PRICKLE2: variants seen among roughly 807,000 people sequenced by gnomAD.
PRICKLE2 encodes the protein prickle-like protein 2.
A neutral mutation model predicts 81.4 loss-of-function variants in PRICKLE2; 21 were observed. The ratio of observed to expected loss-of-function variants is 0.26; its 90% CI spans 0.18 to 0.37. PRICKLE2 has a LOEUF of 0.37. Among genes scored for constraint, PRICKLE2 ranks in the 10% least tolerant of loss-of-function variants. PRICKLE2 has a pLI of 1.00. For synonymous variants in PRICKLE2, 456 were observed against 421.5 expected (o/e 1.08, Z -1.00); for missense variants, 940 against 1,109.0 (o/e 0.85, Z 2.16).
At chr3:64,109,807 C>T (rs1006674827) in intron 7 of PRICKLE2, among the ~76,000 whole-genome samples, 2 of 152,180 alleles carry the variant, frequency 1.3e-5, no homozygotes, top group African/African-American at 4.8e-5. Context: ...AGGGACTTGC[C>T]TTTGAACTGG....
chr3:64,149,660 C>T (rs2077512434), intron 6 of PRICKLE2, among the ~76,000 whole-genome samples: 1 of 152,194 alleles, frequency 6.6e-6, no homozygotes, highest in Non-Finnish European at 1.5e-5. Flanking sequence ...CTTCTGGAGA[C>T]TTGTCTAAAG....
At chr3:64,132,837 G>T (rs2077216975) in intron 7 of PRICKLE2, among the ~76,000 whole-genome samples, 2 of 152,180 alleles carry the variant, frequency 1.3e-5, no homozygotes, top group East Asian at 1.9e-4. Flanking sequence ...GATGCCGTGT[G>T]GGAGGATGTG....
At chr3:64,170,620 G>A (rs2077912245) in intron 2 of PRICKLE2, among the ~76,000 whole-genome samples, 1 of 151,818 alleles carries the variant, frequency 6.6e-6, no homozygotes, top group Non-Finnish European at 1.5e-5. Context: ...AGCACTTTGG[G>A]AGGCTAAGGG....
intron 5 of PRICKLE2, among the ~76,000 whole-genome samples, chr3:64,155,440 GAA>G (rs2077618835): frequency 6.6e-6 from 1 of 151,638 alleles, no homozygotes; most frequent in Non-Finnish European, 1.5e-5. Flanking sequence ...TTGATAGCAG[GAA>G]TGTAAAATGT....
Position 64,118,208 on chromosome 3 carries a change from A to G in PRICKLE2, c.1661-18283T>C, listed in dbSNP as rs1575557289. On this transcript the variant is annotated intron_variant, in intron 7 of 7. Coordinates refer to ENST00000638394, the MANE Select transcript of PRICKLE2 (RefSeq NM_198859.4). ...ACAAAAATTAACTCAAGATGGATTA[A>G]AGACTTAACTGTAAAAACCTAAACT... Among the ~76,000 whole-genome samples the G allele has an allele frequency of 2.0e-5, 3 of 152,344 alleles. No individual in the cohort carries two copies. In the East Asian group the frequency reaches 5.8e-4, roughly 29 times the overall value.
At position 64,095,236 on chromosome 3, in the gene PRICKLE2, C is replaced by T. The variant is rs183313301; in HGVS notation, c.*3815G>A. On this transcript the variant is annotated 3_prime_UTR_variant, in exon 8 of 8. Coordinates refer to ENST00000638394, the MANE Select transcript of PRICKLE2 (RefSeq NM_198859.4). ...CTTTAGCCTAAGAAGTCAGCTTCCT[C>T]GAGCCTCCACAACCTGGGATGGGGG... 2.5e-4 allele frequency: 38 copies of T among 152,162 alleles called. No individual in the cohort carries two copies. The highest frequency in any genetic ancestry group is 1.2e-4 in the African/African-American group (5 of 41,506). The allele number at this position is 152,162 out of a possible 1,614,324, so 9.4% of individuals were successfully genotyped here. A position where few individuals can be genotyped will look rare whatever the true frequency, so the allele number is the denominator to read the frequency against.
chr3:64,141,008 G>A (rs1177342587), intron 7 of PRICKLE2, among the ~76,000 whole-genome samples: 1 of 152,192 alleles, frequency 6.6e-6, no homozygotes, highest in East Asian at 1.9e-4. Context: ...CTCGCCATCT[G>A]TGGCGACTAC....
At chr3:64,203,563 G>A (rs1382899397) in intron 1 of PRICKLE2, among the ~76,000 whole-genome samples, 11 of 152,030 alleles carry the variant, frequency 7.2e-5, no homozygotes, top group Admixed American at 2.6e-4. Context: ...CACTAATGCC[G>A]GATGGACATG....
At position 64,254,572 on chromosome 3, in the gene PRICKLE2, T is replaced by C. The variant is rs796198593; in HGVS notation, c.129-55605A>G. Among the ~76,000 whole-genome samples, 13 of 152,242 alleles carry C rather than the reference T, an allele frequency of 8.5e-5. 1 individual carries two copies. The highest frequency in any genetic ancestry group is 3.1e-4 in the African/African-American group (13 of 41,532). ...TGGCCAGGACTAATTATTATTAGAG[T>C]ACATTATACATTTGACCAACAATAA... On this transcript the variant is annotated intron_variant, in intron 2 of 8. Transcript: ENST00000295902.
intron 6 of PRICKLE2, among the ~76,000 whole-genome samples, chr3:64,150,441 C>G (rs2077526950): frequency 6.6e-6 from 1 of 152,116 alleles, no homozygotes; most frequent in African/African-American, 2.4e-5. Flanking sequence ...TGCGTTAGGT[C>G]TGAAAGCCTG....
At position 64,099,649 on chromosome 3, in the gene PRICKLE2, T is replaced by C. The variant is rs533891439; in HGVS notation, c.1937A>G (p.Asp646Gly). 18 of 1,614,110 alleles carry C rather than the reference T, an allele frequency of 1.1e-5. No individual in the cohort carries two copies. In the African/African-American group the frequency reaches 1.5e-4, roughly 13 times the overall value. The change falls in exon 8 of 8, where the codon GAT (aspartate) becomes GGT (glycine). Residue 646 changes from aspartate (D) to glycine (G), a missense_variant. Transcript: ENST00000638394. The surrounding 1 kb of genome is among the most constrained non-coding windows in gnomAD (Gnocchi z 4.3). ...CAGCTTGCTGCCCGCCATCCCTCCA[T>C]CAAAATCAAAGCTCTGATGCATCCT... ...HGRMHQSFDF[D>G]GGMAGSKLPG...
Position 64,097,926 on chromosome 3 carries a change from C to T in PRICKLE2, c.*1125G>A, listed in dbSNP as rs567299799. 6.5e-5 allele frequency: 10 copies of T among 152,836 alleles called. No individual in the cohort carries two copies. The highest frequency in any genetic ancestry group is 3.9e-4 in the Admixed American group (6 of 15,300). The allele number at this position is 152,836 out of a possible 1,614,324, so 9.5% of individuals were successfully genotyped here. ...CCTTCTCCAGGCATGACATGTCACA[C>T]ACCGTCCCTCGCAGAGCCCCCTCAG... On this transcript the variant is annotated 3_prime_UTR_variant, in exon 8 of 8. Transcript: ENST00000638394.
intron 2 of PRICKLE2, among the ~76,000 whole-genome samples, chr3:64,175,381 A>G (rs1452328693): frequency 1.3e-5 from 2 of 152,146 alleles, no homozygotes; most frequent in Admixed American, 1.3e-4. Context: ...ATGGCTAGCT[A>G]GTTAGTTTCT....
intron 7 of PRICKLE2, among the ~76,000 whole-genome samples, chr3:64,140,279 C>T (rs1575582017): frequency 6.6e-6 from 1 of 152,208 alleles, no homozygotes; most frequent in East Asian, 1.9e-4. Context: ...CTCTGGCATA[C>T]TGGTCTACAG....
chr3:64,146,336 G>A (rs2077450513), intron 7 of PRICKLE2: 1 of 190,540 alleles, frequency 5.2e-6, no homozygotes, highest in Non-Finnish European at 1.1e-5. Context: ...ATCTGGACCT[G>A]TCTCAGGCTT....
intron 2 of PRICKLE2, among the ~76,000 whole-genome samples, chr3:64,244,603 G>GGTGTGTGTGTGTGTGTGTGTGT (rs71680837): frequency 1.1e-5 from 1 of 91,624 alleles, no homozygotes; most frequent in African/African-American, 3.1e-5. Flanking sequence ...GTGAATGACT[G>GGTGTGTGTGTGTGTGTGTGTGT]GTGTGTGTGT....
At chr3:64,215,882 A>G (rs1431923014) in intron 1 of PRICKLE2, among the ~76,000 whole-genome samples, 1 of 152,248 alleles carries the variant, frequency 6.6e-6, no homozygotes, top group African/African-American at 2.4e-5. Context: ...AGAAATACTG[A>G]AAAACTCTGG....
At chr3:64,182,115 T>G (rs2078145425) in intron 2 of PRICKLE2, among the ~76,000 whole-genome samples, 1 of 152,218 alleles carries the variant, frequency 6.6e-6, no homozygotes, top group South Asian at 2.1e-4. Context: ...TGTTGGAAAC[T>G]TATTCCCCAA....
rs1308787013 is a variant in PRICKLE2 at position 64,178,977 on chromosome 3, T to TTCTTTCTTTCTTTC, written c.145-15862_145-15849dup. ...TAACATACATATTTTCTTTCTTTCT[T>TTCTTTCTTTCTTTC]TCTTTCTTTCTTTCTTTCTTTCTTT... On this transcript the variant is annotated intron_variant, in intron 2 of 7. Transcript: ENST00000638394. Among the ~76,000 whole-genome samples the TTCTTTCTTTCTTTC allele has an allele frequency of 3.8e-4, 43 of 112,824 alleles. 1 individual carries two copies. Among genetic ancestry groups the TTCTTTCTTTCTTTC allele is most frequent in the African/African-American group, 1.6e-3 (43 of 27,132 alleles). 74.0% of individuals were successfully genotyped at this position (112,824 alleles called of 152,430 possible). A position where few individuals can be genotyped will look rare whatever the true frequency, so the allele number is the denominator to read the frequency against.
Sources: gnomAD v4.1 joint callset for allele counts (sites outside exome capture counted in the v4.1 genomes callset) on GRCh38, gnomAD v4.1.1 for gene constraint, Gnocchi (gnomAD v3.1) non-coding constraint, MANE v1.5 for transcripts, NCBI Gene and HGNC (gene_info 2026-07-23, HGNC 2026-07-21) for gene names.